The following SNCAIP variants were observed in gnomAD, a reference collection of about 807,000 sequenced individuals.
SNCAIP encodes synuclein alpha interacting protein, also known as synphilin-1.
Under a neutral mutation model 86.7 loss-of-function variants are expected in SNCAIP, and 43 were observed. The ratio of observed to expected loss-of-function variants is 0.50; its 90% CI spans 0.39 to 0.64. SNCAIP has a LOEUF of 0.64. Among genes scored for constraint, SNCAIP ranks in the 30% least tolerant of loss-of-function variants. SNCAIP has a pLI of 0.00. For synonymous variants in SNCAIP, 417 were observed against 427.2 expected (o/e 0.98, Z 0.29); for missense variants, 981 against 1,103.1 (o/e 0.89, Z 1.57).
chr5:122,387,090 A>G (rs1348438931), intron 1 of SNCAIP, among the ~76,000 whole-genome samples: 1 of 152,148 alleles, frequency 6.6e-6, no homozygotes, highest in African/African-American at 2.4e-5. Flanking sequence ...ACAAATGACT[A>G]GGTCCTGAGA....
intron 3 of SNCAIP, among the ~76,000 whole-genome samples, chr5:122,410,140 A>G (rs1773819449): frequency 6.6e-6 from 1 of 152,254 alleles, no homozygotes; most frequent in Admixed American, 6.5e-5. Context: ...TTATTGTTTA[A>G]CAAAATATAA....
intron 1 of SNCAIP, among the ~76,000 whole-genome samples, chr5:122,376,031 T>C (rs902516445): frequency 2.0e-5 from 3 of 152,178 alleles, no homozygotes; most frequent in Admixed American, 1.3e-4. Flanking sequence ...TGGGAACTTA[T>C]GACAAATGCA....
chr5:122,369,842 T>G (rs1366659960), intron 1 of SNCAIP: 1 of 152,108 alleles, frequency 6.6e-6, no homozygotes. Flanking sequence ...ACCCTTGGGG[T>G]TGGCATCCAG....
intron 5 of SNCAIP, among the ~76,000 whole-genome samples, chr5:122,426,213 A>G (rs1025534536): frequency 6.6e-6 from 1 of 152,386 alleles, no homozygotes; most frequent in Admixed American, 6.5e-5. Context: ...TGGCAAATAA[A>G]TGTAGAATCC....
chr5:122,390,988 C>G (rs1439613235), intron 1 of SNCAIP, 101 bp from the exon 2 acceptor site: 1 of 693,888 alleles, frequency 1.4e-6, no homozygotes, highest in African/African-American at 1.8e-5. Flanking sequence ...CACTAGCACC[C>G]AATAACCCTT....
At chr5:122,344,494 A>G (rs1392464997) in intron 1 of SNCAIP, among the ~76,000 whole-genome samples, 2 of 152,220 alleles carry the variant, frequency 1.3e-5, no homozygotes, top group East Asian at 1.9e-4. Context: ...CAAGCAAACA[A>G]TGCCTTCAGA....
intron 1 of SNCAIP, among the ~76,000 whole-genome samples, chr5:122,372,966 C>T (rs1764556010): frequency 6.6e-6 from 1 of 152,134 alleles, no homozygotes; most frequent in South Asian, 2.1e-4. Context: ...GAAAACCATT[C>T]TACTTGTATA....
Position 122,451,563 on chromosome 5 carries a change from A to C in SNCAIP, c.2716A>C (p.Asn906His). 6.2e-7 allele frequency: 1 copy of C among 1,613,634 alleles called. No individual in the cohort carries two copies. The highest frequency in any genetic ancestry group is 8.5e-7 in the Non-Finnish European group (1 of 1,179,862). The part of the protein sequence containing the change: ...SLGRKTDAKG[N>H]PASSASKGKN... ...TGGGAGGAAGACAGATGCCAAGGGA[A>C]ACCCTGCCAGCTCCGCTAGCAAAGG... is the stretch of plus-strand genomic sequence containing the variant. Residue 906 changes from asparagine to histidine, a missense_variant, in exon 10 of 11, where the codon AAC becomes CAC. Asn to His is a moderately conservative substitution (Grantham distance 68). Transcript: ENST00000261368.
chr5:122,422,750 T>TCC, intron 3 of SNCAIP, 118 bp from the exon 4 acceptor site: 1 of 799,830 alleles, frequency 1.3e-6, no homozygotes, highest in Admixed American at 2.1e-5. Context: ...CTCTAAGTCA[T>TCC]CCTCACACAC....
chr5:122,374,179 T>A (rs1013032093), intron 1 of SNCAIP, among the ~76,000 whole-genome samples: 1 of 152,170 alleles, frequency 6.6e-6, no homozygotes, highest in Non-Finnish European at 1.5e-5. Context: ...TGGTGACATC[T>A]GGATTGGAGA....
At chr5:122,321,691 G>C (rs1433635140) in intron 1 of SNCAIP, 2 of 152,162 alleles carry the variant, frequency 1.3e-5, no homozygotes, top group African/African-American at 2.4e-5. Flanking sequence ...AGGCTTACCT[G>C]TCCAACCCCT....
intron 1 of SNCAIP, among the ~76,000 whole-genome samples, chr5:122,361,295 T>C (rs1762162809): frequency 6.6e-6 from 1 of 152,146 alleles, no homozygotes; most frequent in Admixed American, 6.5e-5. Flanking sequence ...TTTGCTGATA[T>C]CTTTCTGAAG....
chr5:122,381,086 T>A (rs1766660920), intron 1 of SNCAIP, among the ~76,000 whole-genome samples: 1 of 150,322 alleles, frequency 6.7e-6, no homozygotes, highest in African/African-American at 2.5e-5. Context: ...GTTGAATTCC[T>A]GGGTATCCTT....
chr5:122,312,108 G>A (rs997081912), upstream of SNCAIP: 4 of 148,056 alleles, frequency 2.7e-5, no homozygotes, highest in African/African-American at 4.9e-5. Flanking sequence ...GCGCCCGTTG[G>A]GGGGCCCGGG....
chr5:122,373,726 T>C (rs1260843214), intron 1 of SNCAIP, among the ~76,000 whole-genome samples: 5 of 152,218 alleles, frequency 3.3e-5, no homozygotes, highest in African/African-American at 7.2e-5. Flanking sequence ...TGGTATCATA[T>C]TGGATTCAGC....
At chr5:122,333,701 T>A (rs775700495) in intron 1 of SNCAIP, among the ~76,000 whole-genome samples, 3 of 152,258 alleles carry the variant, frequency 2.0e-5, no homozygotes, top group Non-Finnish European at 4.4e-5. Flanking sequence ...GCAATCATGG[T>A]ATCTCTCTGC....
Position 122,450,824 on chromosome 5 carries a change from G to A in SNCAIP, c.1977G>A (p.Lys659=), listed in dbSNP as rs571129649. The A allele has an allele frequency of 2.0e-5, 32 of 1,614,186 alleles. No individual in the cohort carries two copies. In the South Asian group the frequency reaches 2.7e-4, roughly 14 times the overall value. Residue 659 remains lysine, a synonymous_variant, in exon 10 of 11, where the codon AAG becomes AAA. Transcript: ENST00000261368. The part of the protein sequence containing the change: ...SRNSKKIPLE[K]RELKLARLRQ... ...ATTCTAAAAAGATCCCACTGGAGAA[G>A]AGGGAACTGAAGTTAGCCAGGCTGA... is the stretch of plus-strand genomic sequence containing the variant.
At chr5:122,313,482 T>C (rs1409968474) in intron 1 of SNCAIP, among the ~76,000 whole-genome samples, 2 of 152,276 alleles carry the variant, frequency 1.3e-5, no homozygotes, top group Non-Finnish European at 2.9e-5. Flanking sequence ...AGCACTACTT[T>C]CGTTGCTGAA....
intron 2 of SNCAIP, among the ~76,000 whole-genome samples, chr5:122,398,190 G>A (rs1270328385): frequency 9.9e-5 from 15 of 152,184 alleles, no homozygotes; most frequent in African/African-American, 3.6e-4. Flanking sequence ...TGGTAGTGGT[G>A]CTTGCTTATC....
Sources: gnomAD v4.1 joint callset for allele counts (sites outside exome capture counted in the v4.1 genomes callset) on GRCh38, gnomAD v4.1.1 for gene constraint, MANE v1.5 for transcripts, NCBI Gene and HGNC (gene_info 2026-07-23, HGNC 2026-07-21) for gene names.